EYS: variants seen among roughly 807,000 people sequenced by gnomAD.
The protein encoded by EYS is EGF-like photoreceptor maintenance factor.
A neutral mutation model predicts 282.1 loss-of-function variants in EYS; 250 were observed. That is an observed-to-expected ratio of 0.89 (90% confidence interval 0.80 to 0.98). The LOEUF (loss-of-function observed/expected upper bound fraction) is 0.98, where lower values mean the gene tolerates loss of function less well. EYS is among the 50% of genes least tolerant of loss of function. The pLI is 0.00. For synonymous variants in EYS, 1,355 were observed against 1,282.9 expected (o/e 1.06, Z -1.20); for missense variants, 4,016 against 3,709.0 (o/e 1.08, Z -2.15).
chr6:65,240,111 G>A (rs1767020876), intron 12 of EYS, among the ~76,000 whole-genome samples: 1 of 151,778 alleles, frequency 6.6e-6, no homozygotes, highest in Non-Finnish European at 1.5e-5. Flanking sequence ...TGGGACTACA[G>A]GCGCCCACCA....
At chr6:65,461,980 A>C (rs1354754560) in intron 5 of EYS, among the ~76,000 whole-genome samples, 1 of 152,138 alleles carries the variant, frequency 6.6e-6, no homozygotes, top group African/African-American at 2.4e-5. Context: ...CTAGAGAATG[A>C]AACATTAATC....
chr6:64,038,338 A>G (rs1331526899), intron 33 of EYS, among the ~76,000 whole-genome samples: 1 of 152,206 alleles, frequency 6.6e-6, no homozygotes, highest in East Asian at 1.9e-4. Flanking sequence ...CATGAAAATG[A>G]TAACTGTGAG....
chr6:64,965,207 A>G (rs79361704), intron 14 of EYS, among the ~76,000 whole-genome samples: 1 of 152,090 alleles, frequency 6.6e-6, no homozygotes, highest in Non-Finnish European at 1.5e-5. Flanking sequence ...GTATTAAATG[A>G]TCTGCATCCT....
chr6:63,855,520 G>A (rs542169658), intron 36 of EYS, among the ~76,000 whole-genome samples: 3 of 152,048 alleles, frequency 2.0e-5, no homozygotes, highest in African/African-American at 7.2e-5. Flanking sequence ...GTAGGCTCAG[G>A]GCAACAGCAT....
At chr6:65,617,422 T>C (rs1422904528) in intron 2 of EYS, among the ~76,000 whole-genome samples, 1 of 152,126 alleles carries the variant, frequency 6.6e-6, no homozygotes. Context: ...TTGGTAAATG[T>C]TTAATGATAC....
At chr6:64,709,894 T>G (rs572483992) in intron 22 of EYS, among the ~76,000 whole-genome samples, 13 of 152,348 alleles carry the variant, frequency 8.5e-5, no homozygotes, top group Middle Eastern at 3.4e-3. Context: ...CTGGTTTTTT[T>G]CTGGTGCTCT....
At chr6:65,242,908 C>T (rs1205473456) in intron 12 of EYS, among the ~76,000 whole-genome samples, 2 of 151,956 alleles carry the variant, frequency 1.3e-5, no homozygotes, top group Non-Finnish European at 2.9e-5. Context: ...CAGGCCACTG[C>T]TGTCTTCTTT....
intron 22 of EYS, among the ~76,000 whole-genome samples, chr6:64,732,167 G>A (rs944752880): frequency 6.6e-6 from 1 of 152,082 alleles, no homozygotes; most frequent in Non-Finnish European, 1.5e-5. Flanking sequence ...GTCGGGGTTG[G>A]GGGGCAAGGG....
intron 35 of EYS, among the ~76,000 whole-genome samples, chr6:63,890,325 T>G (rs1050284627): frequency 5.3e-5 from 8 of 152,250 alleles, no homozygotes; most frequent in African/African-American, 1.9e-4. Context: ...GCACTTATTC[T>G]AAAATTGACC....
In EYS at chr6:64,093,612, G is replaced by A. The variant is rs116749426; in HGVS notation, c.6425-11610C>T. Reference sequence around the variant, plus strand: ...TTTTTGCACATTGATTTAGTATCCCGAGACTTTGTTGAAGTTGCCTATCAG... The same window carrying A: ...TTTTTGCACATTGATTTAGTATCCCAAGACTTTGTTGAAGTTGCCTATCAG... On this transcript the variant is annotated intron_variant, in intron 31 of 42. Transcript: ENST00000503581. 1.4e-3 allele frequency among the ~76,000 whole-genome samples: 219 copies of A among 152,258 alleles called. 1 individual carries two copies. Among genetic ancestry groups the A allele is most frequent in the African/African-American group, 5.1e-3 (210 of 41,546 alleles).
rs1364877389 is a variant in EYS, at chr6:64,511,227, T to TATATATATATCATATATATATATG, written c.5645-71899_5645-71876dup. On this transcript the variant is annotated intron_variant, in intron 26 of 42. Coordinates refer to ENST00000503581, the MANE Select transcript of EYS (RefSeq NM_001142800.2). ...AGGCCACCACAACTCTCTCTCTACA[T>TATATATATATCATATATATATATG]ATATATATATCATATATATATATGA... is the stretch of plus-strand genomic sequence containing the variant. Among the ~76,000 whole-genome samples, 13 of 125,854 alleles carry TATATATATATCATATATATATATG rather than the reference T, an allele frequency of 1.0e-4. No homozygotes were observed. The East Asian group carries it at 1.5e-3, about 14-fold the overall frequency. 82.6% of individuals were successfully genotyped at this position (125,854 alleles called of 152,430 possible). A position where few individuals can be genotyped will look rare whatever the true frequency, so the allele number is the denominator to read the frequency against.
intron 35 of EYS, among the ~76,000 whole-genome samples, chr6:63,932,802 T>G (rs550180677): frequency 2.7e-4 from 41 of 152,286 alleles, no homozygotes; most frequent in African/African-American, 9.9e-4. Context: ...CTAATTCAAT[T>G]CAATTCTGAC....
intron 29 of EYS, among the ~76,000 whole-genome samples, chr6:64,334,668 G>C (rs1196107571): frequency 6.6e-6 from 1 of 152,162 alleles, no homozygotes; most frequent in East Asian, 1.9e-4. Context: ...CAACCCAGAG[G>C]AGAGATGTTA....
chr6:64,660,969 A>G (rs9354015), intron 22 of EYS, among the ~76,000 whole-genome samples: 7,217 of 152,218 alleles, frequency 0.047, 416 homozygotes, highest in African/African-American at 0.13. Context: ...GAGGCATCAC[A>G]CTACCTGACT....
chr6:65,670,555 T>G (rs180982998), intron 1 of EYS, among the ~76,000 whole-genome samples: 1 of 152,224 alleles, frequency 6.6e-6, no homozygotes, highest in African/African-American at 2.4e-5. Flanking sequence ...TAGTCTAAGT[T>G]TCTGGGTTAA....
In EYS at chr6:65,319,843, T is replaced by A. The variant is rs540441418; in HGVS notation, c.1766+15137A>T. On this transcript the variant is annotated intron_variant, in intron 11 of 42. Coordinates refer to ENST00000503581, the MANE Select transcript of EYS (RefSeq NM_001142800.2). ...ACTCCACATTTTGAGCTAGACATAA[T>A]CATTGAAAGAGAGCTAGAATGCCTT... Among the ~76,000 whole-genome samples the A allele has an allele frequency of 2.6e-4, 40 of 152,274 alleles. 2 individuals are homozygous for A. The highest frequency in any genetic ancestry group is 6.5e-4 in the African/African-American group (27 of 41,532).
chr6:63,919,460 C>T (rs543903671), intron 35 of EYS, among the ~76,000 whole-genome samples: 1 of 151,452 alleles, frequency 6.6e-6, no homozygotes, highest in African/African-American at 2.4e-5. Context: ...GTATAATTTC[C>T]AGTCCCCTTT....
At chr6:64,564,411 G>T (rs570242871) in intron 26 of EYS, among the ~76,000 whole-genome samples, 33 of 148,898 alleles carry the variant, frequency 2.2e-4, no homozygotes, top group African/African-American at 8.1e-4. Flanking sequence ...CCAAGTAGTT[G>T]GGACTACAGG....
intron 11 of EYS, among the ~76,000 whole-genome samples, chr6:65,319,380 A>C (rs1769408505): frequency 6.7e-6 from 1 of 150,286 alleles, no homozygotes. Context: ...TCTCCATCTC[A>C]AAAAAAATAA....
Sources: allele counts gnomAD v4.1 joint callset (sites outside exome capture counted in the v4.1 genomes callset), GRCh38; gene constraint gnomAD v4.1.1; transcripts MANE v1.5; gene names NCBI Gene and HGNC (gene_info 2026-07-23, HGNC 2026-07-21).